The following CSF1 variants were observed in gnomAD, a reference collection of about 807,000 sequenced individuals.
CSF1 encodes colony stimulating factor 1.
In CSF1, 9 loss-of-function variants were observed where a neutral mutation model predicts 48.9. That is an observed-to-expected ratio of 0.18 (90% CI 0.11 to 0.32). The LOEUF is 0.32. CSF1 is among the 10% of genes least tolerant of loss of function. The pLI, the probability that CSF1 is intolerant of heterozygous loss-of-function variation, is 1.00. For synonymous variants in CSF1, 305 were observed against 284.1 expected (o/e 1.07, Z -0.74); for missense variants, 672 against 697.9 (o/e 0.96, Z 0.42).
In CSF1 at chr1:109,925,211, CTGACTT is replaced by C; in HGVS notation, c.*13+13_*13+18del. 1 of 1,612,806 alleles carries C rather than the reference CTGACTT, an allele frequency of 6.2e-7. No individual in the cohort carries two copies. The highest frequency in any genetic ancestry group is 8.5e-7 in the Non-Finnish European group (1 of 1,178,902). On this transcript the variant is annotated intron_variant, in intron 8 of 8. Transcript: ENST00000329608. ...GTAGAGGGAATTCTAAGGTAAGATT[CTGACTT>C]TGATCTCCACTCCTAAAACTTACCT...
intron 1 of CSF1, among the ~76,000 whole-genome samples, chr1:109,911,517 A>G (rs1654682826): frequency 6.6e-6 from 1 of 152,122 alleles, no homozygotes; most frequent in Non-Finnish European, 1.5e-5. Flanking sequence ...GGGCAGGGAA[A>G]GTTCAGGGGG....
chr1:109,916,817 G>A (rs1260486605), intron 3 of CSF1, among the ~76,000 whole-genome samples: 1 of 152,180 alleles, frequency 6.6e-6, no homozygotes, highest in African/African-American at 2.4e-5. Flanking sequence ...AAAGCAGAGT[G>A]GGTCTTCAAG....
Position 109,923,261 on chromosome 1 carries a change from T to G in CSF1, c.640T>G (p.Ser214Ala), listed in dbSNP as rs1256327340. The G allele has an allele frequency of 3.1e-6, 5 of 1,609,554 alleles. No homozygotes were observed. The African/African-American group carries it at 6.7e-5, about 22-fold the overall frequency. ...CTCCCCTCATCAGCCCCTCGCCCCCTCCATGGCCCCTGTGGCTGGCTTGAC... is the reference window on the plus strand; with the variant it reads ...CTCCCCTCATCAGCCCCTCGCCCCCGCCATGGCCCCTGTGGCTGGCTTGAC... Reference protein sequence around the residue: ...SVSPHQPLAPSMAPVAGLTWE... With the variant: ...SVSPHQPLAPAMAPVAGLTWE... The change falls in exon 6 of 9, where the codon TCC becomes GCC. Residue 214 changes from serine to alanine, a missense_variant. Physicochemically the swap from Ser to Ala is moderately conservative, Grantham distance 99. Coordinates refer to ENST00000329608, the MANE Select transcript of CSF1 (RefSeq NM_000757.6).
intron 4 of CSF1, among the ~76,000 whole-genome samples, chr1:109,919,544 A>G (rs1289168387): frequency 1.3e-5 from 2 of 152,212 alleles, no homozygotes; most frequent in Non-Finnish European, 2.9e-5. Flanking sequence ...AACATTTTTA[A>G]TAAGAGAGGT....
chr1:109,922,919 C>T (rs115658570), intron 5 of CSF1, among the ~76,000 whole-genome samples: 3,397 of 152,262 alleles, frequency 0.022, 58 homozygotes, highest in Admixed American at 0.035. Flanking sequence ...TTCTCCCCAA[C>T]CCCCAGTGTG....
At chr1:109,917,558 T>G in intron 4 of CSF1, 95 bp downstream of exon 4, 1 of 1,230,244 alleles carries the variant, frequency 8.1e-7, no homozygotes, top group Admixed American at 2.1e-5. Context: ...TTCGCTCACC[T>G]CGCCTCACGC....
rs148259638 is a variant in CSF1, at chr1:109,923,329, T to C, written c.708T>C (p.Pro236=). 73 of 1,612,320 alleles carry C rather than the reference T, an allele frequency of 4.5e-5. No individual in the cohort carries two copies. The highest frequency in any genetic ancestry group is 5.9e-5 in the Non-Finnish European group (70 of 1,179,174). The change falls in exon 6 of 9, where the codon CCT becomes CCC. Residue 236 remains proline (P), a synonymous_variant. Transcript: ENST00000329608. The part of the protein sequence containing the change: ...SEGTEGSSLL[P]GEQPLHTVDP... ...GAACTGAGGGCAGCTCCCTCTTGCC[T>C]GGTGAGCAGCCCCTGCACACAGTGG...
chr1:109,920,777 T>C (rs1476213482), intron 4 of CSF1, among the ~76,000 whole-genome samples: 1 of 152,180 alleles, frequency 6.6e-6, no homozygotes, highest in Non-Finnish European at 1.5e-5. Context: ...AGGCCCTGGA[T>C]GAAGCTGTGA....
intron 6 of CSF1, 41 bp from the exon 7 acceptor site, chr1:109,924,735 C>G (rs1396310016): frequency 6.5e-7 from 1 of 1,549,590 alleles, no homozygotes; most frequent in Non-Finnish European, 8.8e-7. Context: ...CCCCCCCACA[C>G]TCCCCCAGCT....
intron 6 of CSF1, 112 bp downstream of exon 6, chr1:109,924,302 G>C (rs989505679): frequency 2.3e-6 from 2 of 875,198 alleles, no homozygotes; most frequent in Non-Finnish European, 3.4e-6. Flanking sequence ...TTCAGACACA[G>C]AGAGATAGGG....
chr1:109,915,731 GC>G, intron 3 of CSF1, 35 bp downstream of exon 3: 1 of 1,546,646 alleles, frequency 6.5e-7, no homozygotes, highest in Non-Finnish European at 8.9e-7. Flanking sequence ...CCATGCACCA[GC>G]CTGCATGCAA....
chr1:109,922,194 T>C (rs1448479576), intron 5 of CSF1, 200 bp downstream of exon 5: 2 of 456,472 alleles, frequency 4.4e-6, no homozygotes, highest in Non-Finnish European at 7.6e-6. Flanking sequence ...TTTTCTGACA[T>C]GTGTGTGCAT....
chr1:109,919,346 T>G (rs1647407975), intron 4 of CSF1, among the ~76,000 whole-genome samples: 1 of 152,154 alleles, frequency 6.6e-6, no homozygotes, highest in Non-Finnish European at 1.5e-5. Context: ...CAATTGATCC[T>G]CTGACTTCAG....
chr1:109,918,163 G>T (rs1486739351), intron 4 of CSF1, among the ~76,000 whole-genome samples: 1 of 152,198 alleles, frequency 6.6e-6, no homozygotes, highest in Non-Finnish European at 1.5e-5. Flanking sequence ...ATTGAAAGCA[G>T]TAAGGCTAGA....
intron 3 of CSF1, 86 bp from the exon 4 acceptor site, chr1:109,917,207 G>A (rs1232916890): frequency 2.8e-6 from 4 of 1,440,116 alleles, no homozygotes; most frequent in African/African-American, 2.8e-5. Flanking sequence ...AAGGGGGAGA[G>A]CAAGCTGCAA....
chr1:109,921,748 G>A lies in CSF1; in HGVS notation c.397-99G>A, dbSNP rs1647552785. 4.3e-6 allele frequency: 6 copies of A among 1,394,332 alleles called. No homozygotes were observed. The Admixed American group carries it at 1.6e-4, about 36-fold the overall frequency. The allele number at this position is 1,394,332 out of a possible 1,614,324, so 86.4% of individuals were successfully genotyped here. A position where few individuals can be genotyped will look rare whatever the true frequency, so the allele number is the denominator to read the frequency against. Reference sequence around the variant, plus strand: ...GGAGCAAGGAAACAAAAGGGAAAAAGAAGACAGATGTGAGAAAGGCCAAGG... The same window carrying A: ...GGAGCAAGGAAACAAAAGGGAAAAAAAAGACAGATGTGAGAAAGGCCAAGG... On this transcript the variant is annotated intron_variant, in intron 4 of 8. Coordinates refer to ENST00000329608, the MANE Select transcript of CSF1 (RefSeq NM_000757.6).
At chr1:109,926,273 T>C (rs959625198) in intron 8 of CSF1, 4 of 152,258 alleles carry the variant, frequency 2.6e-5, no homozygotes, top group African/African-American at 9.6e-5. Context: ...ACTGTTGTCA[T>C]ATGTTGAGCC....
At chr1:109,923,098 T>C (rs1248049134) in intron 5 of CSF1, 68 bp from the exon 6 acceptor site, 9 of 1,431,438 alleles carry the variant, frequency 6.3e-6, no homozygotes, top group Non-Finnish European at 8.4e-6. Flanking sequence ...CTGGGAAAGC[T>C]GTGCTGGAGG....
intron 4 of CSF1, 39 bp downstream of exon 4, chr1:109,917,502 G>A (rs1259616207): frequency 1.2e-6 from 2 of 1,604,202 alleles, no homozygotes; most frequent in Non-Finnish European, 1.7e-6. Context: ...AGTGAGGGCA[G>A]AGGGTGGCTG....
Sources: gnomAD v4.1 joint callset for allele counts (sites outside exome capture counted in the v4.1 genomes callset) on GRCh38, gnomAD v4.1.1 for gene constraint, MANE v1.5 for transcripts, NCBI Gene and HGNC (gene_info 2026-07-23, HGNC 2026-07-21) for gene names.